SPEF2: variants seen among roughly 807,000 people sequenced by gnomAD.
SPEF2 encodes sperm flagellar and cilia associated 2, also known as sperm flagella and cilia-associated protein 2.
In SPEF2, 187 loss-of-function variants were observed where a neutral mutation model predicts 224.6. The observed-to-expected ratio is 0.83, with a 90% CI of 0.74 to 0.94. SPEF2 has a LOEUF of 0.94. Among genes scored for constraint, SPEF2 ranks in the 40% least tolerant of loss-of-function variants. SPEF2 has a pLI of 0.00. For synonymous variants in SPEF2, 715 were observed against 707.3 expected, an observed-to-expected ratio of 1.01 and a Z score of -0.17; for missense variants, 2,170 against 2,135.6, an observed-to-expected ratio of 1.02 and a Z score of -0.32.
intron 10 of SPEF2, among the ~76,000 whole-genome samples, chr5:35,672,234 TTCATTATAA>T: frequency 7.5e-6 from 1 of 134,016 alleles, no homozygotes; most frequent in African/African-American, 2.9e-5. Context: ...GAACATAATG[TTCATTATAA>T]TGTTATTGAA....
At chr5:35,791,250 T>C (rs1168836911) in intron 30 of SPEF2, among the ~76,000 whole-genome samples, 1 of 152,216 alleles carries the variant, frequency 6.6e-6, no homozygotes, top group East Asian at 1.9e-4. Flanking sequence ...AATGTATTTC[T>C]GAACAGCCTG....
intron 26 of SPEF2, among the ~76,000 whole-genome samples, chr5:35,770,030 C>CGTGTGTGT (rs143871804): frequency 9.1e-5 from 13 of 142,328 alleles, no homozygotes; most frequent in African/African-American, 2.1e-4. Flanking sequence ...TGTGCATGTG[C>CGTGTGTGT]GTGTGTGTGT....
chr5:35,804,017 G>A (rs143248959), intron 34 of SPEF2, among the ~76,000 whole-genome samples: 16 of 152,252 alleles, frequency 1.1e-4, no homozygotes, highest in African/African-American at 3.9e-4. Flanking sequence ...CCACCTGTGT[G>A]GCGTGGGGTT....
intron 3 of SPEF2, among the ~76,000 whole-genome samples, chr5:35,643,218 G>A (rs1746852105): frequency 6.6e-6 from 1 of 152,166 alleles, no homozygotes; most frequent in African/African-American, 2.4e-5. Flanking sequence ...TGAACTTCAA[G>A]CGTCAATAAT....
At chr5:35,713,497 AG>A (rs1741632870) in intron 20 of SPEF2, among the ~76,000 whole-genome samples, 1 of 151,720 alleles carries the variant, frequency 6.6e-6, no homozygotes, top group South Asian at 2.1e-4. Context: ...TCAGTTTGGG[AG>A]GCTGAGGTGG....
At chr5:35,655,612 T>C (rs77863122) in intron 7 of SPEF2, among the ~76,000 whole-genome samples, 14,251 of 152,078 alleles carry the variant, frequency 0.094, 781 homozygotes, top group East Asian at 0.18. Context: ...AGTTAGCTAA[T>C]TGAAGGTGGG....
At chr5:35,704,809 T>A (rs1174054932) in intron 17 of SPEF2, 147 bp downstream of exon 17, 2 of 614,404 alleles carry the variant, frequency 3.3e-6, no homozygotes, top group Non-Finnish European at 5.8e-6. Flanking sequence ...GTTTTGACAA[T>A]AAGTGAAATA....
chr5:35,699,508 A>C (rs1738130026), intron 15 of SPEF2: 1 of 152,212 alleles, frequency 6.6e-6, no homozygotes, highest in South Asian at 2.1e-4. Context: ...ATTTGTGTTA[A>C]ACAGAGAAAT....
intron 21 of SPEF2, among the ~76,000 whole-genome samples, chr5:35,735,092 C>A (rs978682539): frequency 1.1e-4 from 16 of 152,128 alleles, no homozygotes; most frequent in African/African-American, 3.9e-4. Flanking sequence ...TTACTTATTA[C>A]TTCTTCACTG....
intron 26 of SPEF2, among the ~76,000 whole-genome samples, chr5:35,770,191 C>A (rs1277111721): frequency 2.0e-5 from 3 of 152,052 alleles, no homozygotes; most frequent in African/African-American, 7.2e-5. Flanking sequence ...CCCAGTGACA[C>A]AAGCCTGAAG....
rs1481341476 is a variant in SPEF2 at position 35,780,986 on chromosome 5, T to TA, written c.4447+1646dup. On this transcript the variant is annotated intron_variant, in intron 30 of 36. Transcript: ENST00000356031. ...CCACTAAAAATTTAAAAATAAATTTTAAAAAATAGCAGCTATAACTTGACA... is the reference window on the plus strand; with the variant it reads ...CCACTAAAAATTTAAAAATAAATTTTAAAAAAATAGCAGCTATAACTTGACA... Among the ~76,000 whole-genome samples, 12 of 152,000 alleles carry TA rather than the reference T, an allele frequency of 7.9e-5. 1 individual carries two copies. Among genetic ancestry groups the TA allele is most frequent in the Admixed American group, 2.6e-4 (4 of 15,246 alleles).
At chr5:35,761,671 T>C (rs1400233405) in intron 25 of SPEF2, among the ~76,000 whole-genome samples, 1 of 151,648 alleles carries the variant, frequency 6.6e-6, no homozygotes, top group Non-Finnish European at 1.5e-5. Context: ...GAAAGAGATC[T>C]TTGAGATTAA....
intron 30 of SPEF2, among the ~76,000 whole-genome samples, chr5:35,784,355 C>T (rs995192555): frequency 2.0e-5 from 3 of 152,242 alleles, no homozygotes; most frequent in East Asian, 3.9e-4. Context: ...GCCTCCATCT[C>T]CTGACCTCGC....
chr5:35,691,006 A>G, intron 10 of SPEF2, 31 bp from the exon 11 acceptor site: 13 of 1,571,732 alleles, frequency 8.3e-6, no homozygotes, highest in South Asian at 2.3e-5. Flanking sequence ...TTTTCAGAAT[A>G]TTTCTGTTTA....
At chr5:35,698,128 G>T (rs6414876) in intron 15 of SPEF2, 87,461 of 170,172 alleles carry the variant, frequency 0.51, 23,131 homozygotes, top group Non-Finnish European at 0.55. Context: ...AAAGAAGCCA[G>T]AGAGACTTGG....
chr5:35,720,960 ACT>A (rs1743549800), intron 20 of SPEF2, among the ~76,000 whole-genome samples: 2 of 75,220 alleles, frequency 2.7e-5, no homozygotes, highest in African/African-American at 6.9e-5. Context: ...ATTACCATAA[ACT>A]ATTTATTTTG....
chr5:35,755,810 A>G (rs1215649134), intron 24 of SPEF2, among the ~76,000 whole-genome samples: 1 of 152,094 alleles, frequency 6.6e-6, no homozygotes, highest in African/African-American at 2.4e-5. Context: ...CGGTTTCACC[A>G]TGTTGGCCAG....
chr5:35,689,206 T>C (rs1434329324), intron 10 of SPEF2, among the ~76,000 whole-genome samples: 2 of 152,226 alleles, frequency 1.3e-5, no homozygotes, highest in African/African-American at 4.8e-5. Flanking sequence ...TCAAAGATTT[T>C]ATTTCATTTT....
At chr5:35,679,881 A>G (rs1248673631) in intron 10 of SPEF2, among the ~76,000 whole-genome samples, 1 of 152,192 alleles carries the variant, frequency 6.6e-6, no homozygotes, top group Admixed American at 6.5e-5. Flanking sequence ...CCCAAACATG[A>G]TTCACTTGGA....
Sources: gnomAD v4.1 joint callset for allele counts (sites outside exome capture counted in the v4.1 genomes callset) on GRCh38, gnomAD v4.1.1 for gene constraint, MANE v1.5 for transcripts, NCBI Gene and HGNC (gene_info 2026-07-23, HGNC 2026-07-21) for gene names.